The following ERLIN1 variants were observed in gnomAD, a reference collection of about 807,000 sequenced individuals.
ERLIN1 encodes erlin-1.
Under a neutral mutation model 46.9 loss-of-function variants are expected in ERLIN1, and 24 were observed. That is an observed-to-expected ratio of 0.51 (90% CI 0.37 to 0.72). The LOEUF (loss-of-function observed/expected upper bound fraction) is 0.72. Ranked by LOEUF, ERLIN1 falls within the 30% of genes least tolerant of loss-of-function variation. The pLI is 0.00. For missense variants in ERLIN1, 293 were observed against 417.9 expected (o/e 0.70, Z 2.61); for synonymous variants, 158 against 143.2 (o/e 1.10, Z -0.74).
At chr10:100,182,296 C>T (rs1371911974) in intron 2 of ERLIN1, among the ~76,000 whole-genome samples, 3 of 151,398 alleles carry the variant, frequency 2.0e-5, no homozygotes, top group Non-Finnish European at 2.9e-5. Context: ...TCCCAAAGTG[C>T]TCGGATTACA....
At chr10:100,171,751 A>G (rs1156294317) in intron 6 of ERLIN1, among the ~76,000 whole-genome samples, 1 of 152,198 alleles carries the variant, frequency 6.6e-6, no homozygotes, top group East Asian at 1.9e-4. Flanking sequence ...ACCATTAACT[A>G]CAAAAATGAG....
At chr10:100,157,116 T>A (rs3927496) in intron 8 of ERLIN1, among the ~76,000 whole-genome samples, 88,403 of 151,984 alleles carry the variant, frequency 0.58, 26,427 homozygotes, top group African/African-American at 0.72. Context: ...GAAGACAACA[T>A]AAAATAAGAA....
rs1313713647 is a variant in ERLIN1 at position 100,151,027 on chromosome 10, G to A, written c.*1104C>T. 2 of 152,476 alleles carry A rather than the reference G, an allele frequency of 1.3e-5. No individual in the cohort carries two copies. Among genetic ancestry groups the A allele is most frequent in the Non-Finnish European group, 2.9e-5 (2 of 68,052 alleles). 9.4% of individuals were successfully genotyped at this position (152,476 alleles called of 1,614,324 possible). On this transcript the variant is annotated 3_prime_UTR_variant, in exon 11 of 11. Coordinates refer to ENST00000421367, the MANE Select transcript of ERLIN1 (RefSeq NM_006459.4). ...CAATGATGACCAAGGATGCTTTCTA[G>A]GTGACTTTTTGTTCCACACTATGTG...
chr10:100,183,538 A>G (rs1013793545), intron 2 of ERLIN1, among the ~76,000 whole-genome samples: 5 of 152,232 alleles, frequency 3.3e-5, no homozygotes, highest in Non-Finnish European at 7.3e-5. Context: ...AGTCCTTCCA[A>G]GCTTCCTGGT....
At chr10:100,165,608 G>A (rs924480011) in intron 7 of ERLIN1, among the ~76,000 whole-genome samples, 30 of 152,072 alleles carry the variant, frequency 2.0e-4, no homozygotes, top group Admixed American at 1.4e-3. Flanking sequence ...GGATGGTCTC[G>A]ATCTCCTGAC....
At chr10:100,167,749 AAAG>A (rs1843726801) in intron 6 of ERLIN1, among the ~76,000 whole-genome samples, 2 of 152,266 alleles carry the variant, frequency 1.3e-5, no homozygotes, top group East Asian at 3.8e-4. Flanking sequence ...CCTGTAAACC[AAAG>A]AAGCCGGGAA....
chr10:100,158,151 C>G (rs1335068849), intron 8 of ERLIN1, among the ~76,000 whole-genome samples: 4 of 152,046 alleles, frequency 2.6e-5, no homozygotes, highest in East Asian at 3.9e-4. Context: ...GGACTAAGAC[C>G]CTTGCATAAA....
In ERLIN1 at chr10:100,154,844, C is replaced by A. The variant is rs1361797715; in HGVS notation, c.825+16G>T. The stretch of plus-strand genomic sequence containing the variant: ...CCGAAATGCATCATTAGGAAAGTGG[C>A]CAGGGAGCCAGTCACCTTGTTTGAG... On this transcript the variant is annotated intron_variant, in intron 10 of 10. Coordinates refer to ENST00000421367, the MANE Select transcript of ERLIN1 (RefSeq NM_006459.4). The A allele has an allele frequency of 1.2e-6, 2 of 1,608,824 alleles. No homozygotes were observed. The highest frequency in any genetic ancestry group is 2.7e-5 in the African/African-American group (2 of 74,808).
intron 6 of ERLIN1, 92 bp from the exon 7 acceptor site, chr10:100,167,498 T>C (rs1395776669): frequency 5.1e-6 from 5 of 989,578 alleles, no homozygotes; most frequent in Non-Finnish European, 7.7e-6. Context: ...ATGATACTAA[T>C]CTAATAAACA....
chr10:100,165,578 G>A (rs992741194), intron 7 of ERLIN1, among the ~76,000 whole-genome samples: 1 of 151,856 alleles, frequency 6.6e-6, no homozygotes, highest in Non-Finnish European at 1.5e-5. Context: ...AGTAGAGACG[G>A]GGTTTCATTG....
At chr10:100,181,120 T>C (rs529298174) in intron 2 of ERLIN1, among the ~76,000 whole-genome samples, 2 of 152,360 alleles carry the variant, frequency 1.3e-5, no homozygotes, top group South Asian at 4.1e-4. Context: ...ACACCAACTT[T>C]AAATACACGT....
intron 7 of ERLIN1, among the ~76,000 whole-genome samples, chr10:100,165,573 AGACG>A (rs1843588049): frequency 6.6e-6 from 1 of 151,564 alleles, no homozygotes; most frequent in South Asian, 2.1e-4. Flanking sequence ...TTTTTAGTAG[AGACG>A]GGGTTTCATT....
At position 100,151,949 on chromosome 10, in the gene ERLIN1, A is replaced by G. The variant is rs1842820721; in HGVS notation, c.*182T>C. 2.9e-5 allele frequency: 19 copies of G among 662,782 alleles called. No individual in the cohort carries two copies. The highest frequency in any genetic ancestry group is 2.4e-4 in the South Asian group (15 of 61,250). The allele number at this position is 662,782 out of a possible 1,614,324, so 41.1% of individuals were successfully genotyped here. ...ACTTGATAAGACTGTGGCTGAAAAGACCATTTGTGTGTCAGACAGCTGGCT... is the reference window on the plus strand; with the variant it reads ...ACTTGATAAGACTGTGGCTGAAAAGGCCATTTGTGTGTCAGACAGCTGGCT... On this transcript the variant is annotated 3_prime_UTR_variant, in exon 11 of 11. Coordinates refer to ENST00000421367, the MANE Select transcript of ERLIN1 (RefSeq NM_006459.4).
chr10:100,167,539 T>C, intron 6 of ERLIN1, 133 bp from the exon 7 acceptor site: 1 of 659,410 alleles, frequency 1.5e-6, no homozygotes, highest in Non-Finnish European at 2.6e-6. Context: ...TACTAACACG[T>C]TTGGGGATCC....
rs116066256 is a variant in ERLIN1, at chr10:100,154,669, C to T, written c.825+191G>A. 4.0e-3 allele frequency among the ~76,000 whole-genome samples: 605 copies of T among 152,334 alleles called. 3 individuals carry two copies. The highest frequency in any genetic ancestry group is 0.014 in the African/African-American group (577 of 41,572). ...ATAGCAGTACAAATGAATGGAATTA[C>T]GGCATTTGGCCTGTGTCCCTACCCA... On this transcript the variant is annotated intron_variant, in intron 10 of 10. Coordinates refer to ENST00000421367, the MANE Select transcript of ERLIN1 (RefSeq NM_006459.4).
rs543997883 is a variant in ERLIN1, at chr10:100,171,960, G to C, written c.504+2248C>G. On this transcript the variant is annotated intron_variant, in intron 6 of 10. Transcript: ENST00000421367. ...ACAGCTTACCAACACTGCTAATGAG[G>C]GGGGGAGCTGCTAAAATTTTTCTAA... Among the ~76,000 whole-genome samples, 282 of 152,220 alleles carry C rather than the reference G, an allele frequency of 1.9e-3. 1 individual carries two copies. Among genetic ancestry groups the C allele is most frequent in the African/African-American group, 6.6e-3 (275 of 41,544 alleles).
At chr10:100,166,194 A>G (rs1843629547) in intron 7 of ERLIN1, among the ~76,000 whole-genome samples, 1 of 152,196 alleles carries the variant, frequency 6.6e-6, no homozygotes, top group Non-Finnish European at 1.5e-5. Flanking sequence ...CCAAGGCAGG[A>G]GGACTGCTTG....
At chr10:100,182,575 G>A (rs1368314891) in intron 2 of ERLIN1, among the ~76,000 whole-genome samples, 2 of 152,114 alleles carry the variant, frequency 1.3e-5, no homozygotes, top group Non-Finnish European at 2.9e-5. Flanking sequence ...ACCATAAATA[G>A]AAAGCCAGAA....
At chr10:100,160,149 A>T (rs1843286246) in intron 8 of ERLIN1, among the ~76,000 whole-genome samples, 1 of 152,132 alleles carries the variant, frequency 6.6e-6, no homozygotes, top group Non-Finnish European at 1.5e-5. Flanking sequence ...TGAAATGAAC[A>T]ATTTTCTATG....
Sources: allele counts gnomAD v4.1 joint callset (sites outside exome capture counted in the v4.1 genomes callset), GRCh38; gene constraint gnomAD v4.1.1; transcripts MANE v1.5; gene names NCBI Gene and HGNC (gene_info 2026-07-23, HGNC 2026-07-21).